PRMT8: variants seen among roughly 807,000 people sequenced by gnomAD.
PRMT8 encodes protein arginine N-methyltransferase 8.
Under a neutral mutation model 47.1 loss-of-function variants are expected in PRMT8, and 7 were observed. The observed-to-expected ratio is 0.15, with a 90% CI of 0.08 to 0.28. The LOEUF (loss-of-function observed/expected upper bound fraction) is 0.28. Among genes scored for constraint, PRMT8 ranks in the 10% least tolerant of loss-of-function variants. The pLI is 1.00. For missense variants in PRMT8, 237 were observed against 505.4 expected (o/e 0.47, Z 5.09); for synonymous variants, 188 against 186.5 (o/e 1.01, Z -0.07).
intron 1 of PRMT8, among the ~76,000 whole-genome samples, chr12:3,389,605 T>G (rs572717777): frequency 6.6e-6 from 1 of 152,306 alleles, no homozygotes; most frequent in South Asian, 2.1e-4. Flanking sequence ...GGCCACTGTT[T>G]AGGTGAGTGG....
At chr12:3,469,288 C>T (rs572242888) in intron 1 of PRMT8, 40 of 434,854 alleles carry the variant, frequency 9.2e-5, no homozygotes, top group Non-Finnish European at 1.6e-4. Context: ...CCCACCAAAG[C>T]CCATGTAAGG....
chr12:3,410,490 G>T (rs578211208), intron 1 of PRMT8, among the ~76,000 whole-genome samples: 7 of 152,048 alleles, frequency 4.6e-5, no homozygotes, highest in Non-Finnish European at 1.0e-4. Context: ...CTTTGTTGTT[G>T]TTGTTGTTGG....
At chr12:3,577,085 G>A (rs1565447356) in intron 7 of PRMT8, 99 bp downstream of exon 7, 2 of 1,006,048 alleles carry the variant, frequency 2.0e-6, no homozygotes, top group Non-Finnish European at 3.1e-6. Flanking sequence ...CCCCCACCTG[G>A]TGAGGCAAGG....
rs957809470 is a variant in PRMT8, at chr12:3,394,704, A to G, written c.48+13262A>G. On this transcript the variant is annotated intron_variant, in intron 1 of 9. Transcript: ENST00000452611. ...GGTTGTGTCTCTGCCCGGCTTTGGTATCAGGATGATGCTGGCCTCATAAAA... is the reference window on the plus strand; with the variant it reads ...GGTTGTGTCTCTGCCCGGCTTTGGTGTCAGGATGATGCTGGCCTCATAAAA... 5.2e-4 allele frequency among the ~76,000 whole-genome samples: 79 copies of G among 152,132 alleles called. 1 individual carries two copies. The highest frequency in any genetic ancestry group is 3.3e-3 in the Admixed American group (51 of 15,276).
chr12:3,496,328 G>T (rs1865511012), intron 1 of PRMT8, among the ~76,000 whole-genome samples: 1 of 147,672 alleles, frequency 6.8e-6, no homozygotes, highest in Admixed American at 6.9e-5. Flanking sequence ...ATTAGGGGTT[G>T]CAGTGAGTTA....
chr12:3,412,213 A>G (rs1381829713), intron 1 of PRMT8, among the ~76,000 whole-genome samples: 1 of 152,238 alleles, frequency 6.6e-6, no homozygotes, highest in Non-Finnish European at 1.5e-5. Context: ...AATGGTAAGT[A>G]TTTGTGTATC....
rs1167918698 is a variant in PRMT8, at chr12:3,538,018, T to C, written c.76-2588T>C. Among the ~76,000 whole-genome samples, 2 of 152,150 alleles carry C rather than the reference T, an allele frequency of 1.3e-5. No homozygotes were observed. Among genetic ancestry groups the C allele is most frequent in the African/African-American group, 2.4e-5 (1 of 41,420 alleles). On this transcript the variant is annotated intron_variant, in intron 1 of 9. Coordinates refer to ENST00000382622, the MANE Select transcript of PRMT8 (RefSeq NM_019854.5). This position sits in a 1 kb window ranked among gnomAD's most constrained non-coding sequence, Gnocchi z 4.6. ...TCTTTTGTATTTAATTACGACCTCTTAGCCTGGCCATAATTTCCTTTCAAC... is the reference window on the plus strand; with the variant it reads ...TCTTTTGTATTTAATTACGACCTCTCAGCCTGGCCATAATTTCCTTTCAAC...
rs533384024 is a variant in PRMT8, at chr12:3,393,563, A to T, written c.48+12121A>T. Reference sequence around the variant, plus strand: ...ATTTCTGAGGGCTCTGTTCTGTTCCATTGGTCTATATCTCTGTTTTGGTAC... The same window carrying T: ...ATTTCTGAGGGCTCTGTTCTGTTCCTTTGGTCTATATCTCTGTTTTGGTAC... On this transcript the variant is annotated intron_variant, in intron 1 of 9. Coordinates refer to the PRMT8 transcript ENST00000452611. 1.9e-3 allele frequency among the ~76,000 whole-genome samples: 294 copies of T among 152,120 alleles called. 1 individual carries two copies. The highest frequency in any genetic ancestry group is 6.8e-3 in the African/African-American group (282 of 41,498).
chr12:3,403,547 G>A (rs1864340470), intron 1 of PRMT8, among the ~76,000 whole-genome samples: 1 of 151,568 alleles, frequency 6.6e-6, no homozygotes, highest in African/African-American at 2.4e-5. Context: ...GAATAAATAA[G>A]ATAAGGATGT....
chr12:3,417,204 A>G (rs1394565745), intron 1 of PRMT8, among the ~76,000 whole-genome samples: 1 of 152,212 alleles, frequency 6.6e-6, no homozygotes, highest in Non-Finnish European at 1.5e-5. Context: ...TTGTTGCCAC[A>G]CAGAGGTTTA....
At chr12:3,480,790 C>G (rs149125012) in intron 1 of PRMT8, among the ~76,000 whole-genome samples, 6 of 152,230 alleles carry the variant, frequency 3.9e-5, no homozygotes, top group African/African-American at 1.4e-4. Context: ...CAAAATCATG[C>G]TCACACCAGC....
At chr12:3,515,362 T>C (rs1865774668) in intron 1 of PRMT8, among the ~76,000 whole-genome samples, 1 of 152,166 alleles carries the variant, frequency 6.6e-6, no homozygotes, top group Non-Finnish European at 1.5e-5. Context: ...CCTGGGAACT[T>C]GTTAGAAATG....
At chr12:3,426,595 C>A (rs1864606576) in intron 1 of PRMT8, among the ~76,000 whole-genome samples, 1 of 152,170 alleles carries the variant, frequency 6.6e-6, no homozygotes, top group East Asian at 1.9e-4. Flanking sequence ...CTTGGCAAGT[C>A]CCCACAGGAT....
At chr12:3,473,326 G>T (rs999809780) in intron 1 of PRMT8, among the ~76,000 whole-genome samples, 1 of 152,078 alleles carries the variant, frequency 6.6e-6, no homozygotes, top group South Asian at 2.1e-4. Context: ...GGACCTCCAG[G>T]CTTCTCCATG....
chr12:3,582,817 T>C (rs1867094017), intron 7 of PRMT8, among the ~76,000 whole-genome samples: 1 of 152,134 alleles, frequency 6.6e-6, no homozygotes, highest in Admixed American at 6.5e-5. Flanking sequence ...TCTTCCGAAT[T>C]CTGCTCCCCT....
intron 1 of PRMT8, among the ~76,000 whole-genome samples, chr12:3,454,395 C>G (rs1363249165): frequency 6.6e-6 from 1 of 152,074 alleles, no homozygotes; most frequent in Non-Finnish European, 1.5e-5. Flanking sequence ...ATCACTCACT[C>G]CAGAGGGAGA....
intron 1 of PRMT8, among the ~76,000 whole-genome samples, chr12:3,536,362 C>G (rs923211024): frequency 2.0e-5 from 3 of 152,176 alleles, no homozygotes; most frequent in African/African-American, 7.2e-5. Flanking sequence ...GAAATGAATG[C>G]CCCCAAATCC....
At chr12:3,432,358 C>T (rs1356421419) in intron 1 of PRMT8, among the ~76,000 whole-genome samples, 1 of 152,246 alleles carries the variant, frequency 6.6e-6, no homozygotes, top group Non-Finnish European at 1.5e-5. Context: ...CATTGGCTGA[C>T]TGCAGAGTAA....
chr12:3,551,148 A>G (rs1866414693), intron 3 of PRMT8: 1 of 144,714 alleles, frequency 6.9e-6, no homozygotes, highest in South Asian at 2.2e-4. Flanking sequence ...CTGCCTCCAG[A>G]GGTCTGCTCC....
Sources: gnomAD v4.1 joint callset for allele counts (sites outside exome capture counted in the v4.1 genomes callset) on GRCh38, gnomAD v4.1.1 for gene constraint, Gnocchi (gnomAD v3.1) non-coding constraint, MANE v1.5 for transcripts, NCBI Gene and HGNC (gene_info 2026-07-23, HGNC 2026-07-21) for gene names.